The following PAH variants were observed in gnomAD, a reference collection of about 807,000 sequenced individuals.
PAH encodes phenylalanine-4-hydroxylase.
In PAH, 64 loss-of-function variants were observed where a neutral mutation model predicts 62.0. The ratio of observed to expected loss-of-function variants is 1.03; its 90% CI spans 0.84 to 1.27. PAH has a LOEUF of 1.27. Among genes scored for constraint, PAH ranks in the 50% most tolerant of loss-of-function variants. The pLI, the probability that PAH is intolerant of heterozygous loss-of-function variation, is 0.00. For missense variants in PAH, 579 were observed against 542.8 expected (o/e 1.07, Z -0.66); for synonymous variants, 195 against 196.2 (o/e 0.99, Z 0.05).
upstream of PAH, among the ~76,000 whole-genome samples, chr12:102,919,355 A>G (rs1878498426): frequency 6.6e-6 from 1 of 152,194 alleles, no homozygotes; most frequent in Admixed American, 6.5e-5. Context: ...AGTATGTGCA[A>G]TATTTTGATA....
intron 1 of PAH, among the ~76,000 whole-genome samples, chr12:102,927,718 T>A (rs954448350): frequency 2.0e-5 from 3 of 152,144 alleles, no homozygotes; most frequent in African/African-American, 7.2e-5. Flanking sequence ...AAGCTATGAA[T>A]AATTACTGAT....
chr12:102,930,172 TGAGTCC>T (rs1229550951), intron 1 of PAH, among the ~76,000 whole-genome samples: 5 of 152,208 alleles, frequency 3.3e-5, no homozygotes, highest in Non-Finnish European at 5.9e-5. Flanking sequence ...ACAGGCTATC[TGAGTCC>T]AAGTTCAATG....
At chr12:102,887,854 G>A (rs892461998) in intron 3 of PAH, among the ~76,000 whole-genome samples, 4 of 152,080 alleles carry the variant, frequency 2.6e-5, no homozygotes, top group Non-Finnish European at 2.9e-5. Flanking sequence ...AGTGCATCAC[G>A]ACAATACTCC....
At chr12:102,956,110 G>A (rs1411637460) in intron 1 of PAH, among the ~76,000 whole-genome samples, 4 of 152,112 alleles carry the variant, frequency 2.6e-5, no homozygotes, top group Non-Finnish European at 4.4e-5. Flanking sequence ...CCACAAAGGG[G>A]AGTTCAATTA....
Position 102,917,201 on chromosome 12 carries a change from T to G in PAH, c.-71A>C, listed in dbSNP as rs2280615. 0.13 allele frequency: 184,690 copies of G among 1,371,262 alleles called. 13,187 individuals are homozygous for G. The highest frequency in any genetic ancestry group is 0.17 in the African/African-American group (11,958 of 70,314). The allele number at this position is 1,371,262 out of a possible 1,614,324, so 84.9% of individuals were successfully genotyped here. On this transcript the variant is annotated 5_prime_UTR_variant, in exon 1 of 13. Transcript: ENST00000553106. Reference sequence around the variant, plus strand: ...TACAGGCAGGTTTGCAAACAGCACGTGGGGCTGAAGGTTTTAACCTCGCAC... The same window carrying G: ...TACAGGCAGGTTTGCAAACAGCACGGGGGGCTGAAGGTTTTAACCTCGCAC...
intron 2 of PAH, among the ~76,000 whole-genome samples, chr12:102,905,838 A>T (rs540005746): frequency 6.6e-6 from 1 of 152,264 alleles, no homozygotes; most frequent in Non-Finnish European, 1.5e-5. Flanking sequence ...AAAAAAAAAA[A>T]AAAATTCAAG....
rs894785612 is a variant in PAH at position 102,837,465 on chromosome 12, GAA to G, written c.*1708_*1709del. On this transcript the variant is annotated 3_prime_UTR_variant, in exon 13 of 13. Coordinates refer to ENST00000553106, the MANE Select transcript of PAH (RefSeq NM_000277.3). The stretch of plus-strand genomic sequence containing the variant: ...GTTTGGTGTTTAGAGTAAAAGCAGA[GAA>G]AAAAGTCCTTTTTCACTTTTAAAAT... 6 of 152,130 alleles carry G rather than the reference GAA, an allele frequency of 3.9e-5. No homozygotes were observed. The highest frequency in any genetic ancestry group is 1.4e-4 in the African/African-American group (6 of 41,440). 9.4% of individuals were successfully genotyped at this position (152,130 alleles called of 1,614,324 possible).
At chr12:102,942,495 C>T (rs1000233052) in intron 1 of PAH, among the ~76,000 whole-genome samples, 1 of 151,578 alleles carries the variant, frequency 6.6e-6, no homozygotes, top group Non-Finnish European at 1.5e-5. Flanking sequence ...CCATACTACC[C>T]ACAACAGATT....
chr12:102,917,348 A>T, upstream of PAH: 1 of 597,196 alleles, frequency 1.7e-6, no homozygotes, highest in Non-Finnish European at 3.1e-6. Flanking sequence ...GCTCCAGGTC[A>T]CCTGCCCAGG....
intron 8 of PAH, among the ~76,000 whole-genome samples, chr12:102,847,805 G>A (rs370738950): frequency 9.2e-5 from 14 of 152,154 alleles, no homozygotes; most frequent in African/African-American, 2.9e-4. Flanking sequence ...CTTGAAGGAA[G>A]TGGAGTTGTT....
intron 3 of PAH, among the ~76,000 whole-genome samples, chr12:102,893,539 C>A (rs919090596): frequency 1.3e-5 from 2 of 152,188 alleles, no homozygotes; most frequent in South Asian, 2.1e-4. Context: ...TAATAACAAC[C>A]ACATGCTATC....
Position 102,894,925 on chromosome 12 carries a change from G to C in PAH, c.169-7C>G, listed in dbSNP as rs2136702235. The C allele has an allele frequency of 2.5e-6, 4 of 1,606,342 alleles. No individual in the cohort carries two copies. The highest frequency in any genetic ancestry group is 3.4e-6 in the Non-Finnish European group (4 of 1,174,012). ...TCAGGTTTACATCATTCTCCTAGAAGAGAGAATGGGGAGGGTGAGGAGACA... is the reference window on the plus strand; with the variant it reads ...TCAGGTTTACATCATTCTCCTAGAACAGAGAATGGGGAGGGTGAGGAGACA... On this transcript the variant is annotated splice_polypyrimidine_tract_variant and splice_region_variant and intron_variant, in intron 2 of 12. Coordinates refer to ENST00000553106, the MANE Select transcript of PAH (RefSeq NM_000277.3).
intron 2 of PAH, among the ~76,000 whole-genome samples, chr12:102,901,493 T>C (rs914044662): frequency 1.3e-5 from 2 of 152,226 alleles, no homozygotes; most frequent in Non-Finnish European, 2.9e-5. Flanking sequence ...CTCCTCAACT[T>C]GGTATAGATA....
chr12:102,914,825 A>AC lies in PAH; in HGVS notation c.61-1928dup, dbSNP rs1212936893. 1.1e-4 allele frequency among the ~76,000 whole-genome samples: 17 copies of AC among 151,836 alleles called. No individual in the cohort carries two copies. In the East Asian group the frequency reaches 1.4e-3, roughly 12 times the overall value. On this transcript the variant is annotated intron_variant, in intron 1 of 12. Coordinates refer to ENST00000553106, the MANE Select transcript of PAH (RefSeq NM_000277.3). ...GAAGTTGAGTCACCCCCTAAACCCC[A>AC]CCCCACTACAGTGTGTGTTCAGCCA...
At chr12:102,861,236 A>G (rs1565850981) in intron 5 of PAH, among the ~76,000 whole-genome samples, 1 of 152,260 alleles carries the variant, frequency 6.6e-6, no homozygotes, top group African/African-American at 2.4e-5. Context: ...AAAAATGCTC[A>G]TCATCACTGG....
intron 2 of PAH, among the ~76,000 whole-genome samples, chr12:102,906,715 T>C (rs1419358722): frequency 4.6e-5 from 7 of 152,240 alleles, no homozygotes; most frequent in Admixed American, 4.6e-4. Context: ...TGATTTAATC[T>C]TTAGAACTAC....
At chr12:102,857,042 G>C (rs1875467871) in intron 5 of PAH, among the ~76,000 whole-genome samples, 1 of 152,208 alleles carries the variant, frequency 6.6e-6, no homozygotes, top group Non-Finnish European at 1.5e-5. Context: ...GCTAAAGGAG[G>C]AAGTTCGAAC....
At chr12:102,912,987 C>T (rs1171491814) in intron 1 of PAH, 89 bp from the exon 2 acceptor site, 36 of 829,522 alleles carry the variant, frequency 4.3e-5, no homozygotes, top group Non-Finnish European at 7.6e-5. Flanking sequence ...CAAGCATGAA[C>T]TCTTTCTTCT....
intron 2 of PAH, among the ~76,000 whole-genome samples, chr12:102,898,055 A>G (rs1877585422): frequency 6.6e-6 from 1 of 152,006 alleles, no homozygotes; most frequent in Non-Finnish European, 1.5e-5. Context: ...AATACACTGA[A>G]CCCCCAACAC....
Sources: gnomAD v4.1 joint callset for allele counts (sites outside exome capture counted in the v4.1 genomes callset) on GRCh38, gnomAD v4.1.1 for gene constraint, MANE v1.5 for transcripts, NCBI Gene and HGNC (gene_info 2026-07-23, HGNC 2026-07-21) for gene names.